The following BNC2 variants were observed in gnomAD, a reference collection of about 807,000 sequenced individuals.
BNC2 encodes the protein zinc finger protein basonuclin-2.
A neutral mutation model predicts 76.3 loss-of-function variants in BNC2; 20 were observed. That is an observed-to-expected ratio of 0.26 (90% CI 0.18 to 0.38). BNC2 has a LOEUF of 0.38. Among genes scored for constraint, BNC2 ranks in the 10% least tolerant of loss-of-function variants. The pLI, the probability that BNC2 is intolerant of heterozygous loss-of-function variation, is 1.00. For synonymous variants in BNC2, 582 were observed against 514.8 expected (o/e 1.13, Z -1.77); for missense variants, 1,382 against 1,399.8 (o/e 0.99, Z 0.20).
chr9:16,845,418 G>A (rs879455360), intron 1 of BNC2, among the ~76,000 whole-genome samples: 1 of 152,070 alleles, frequency 6.6e-6, no homozygotes, highest in Non-Finnish European at 1.5e-5. Flanking sequence ...CACGGTAGTT[G>A]GGTTTTCAAA....
At chr9:16,751,888 G>T (rs909836525) in intron 1 of BNC2, among the ~76,000 whole-genome samples, 3 of 151,788 alleles carry the variant, frequency 2.0e-5, no homozygotes, top group African/African-American at 7.3e-5. Context: ...AATTAGTTGG[G>T]CATGGTGGCG....
At position 16,436,423 on chromosome 9, in the gene BNC2, T is replaced by C; in HGVS notation, c.1771A>G (p.Thr591Ala). 3.1e-6 allele frequency: 5 copies of C among 1,613,852 alleles called. No individual in the cohort carries two copies. Among genetic ancestry groups the C allele is most frequent in the Non-Finnish European group, 4.2e-6 (5 of 1,179,970 alleles). Residue 591 changes from threonine (T) to alanine (A), a missense_variant, in exon 6 of 7, where the codon ACC becomes GCC. By Grantham distance (58) the Thr-to-Ala change is moderately conservative. Transcript: ENST00000380672. ...EMVSPPTSLP[T>A]SPIIPTSGTI... ...CCACTGGTTGGAATGATGGGACTGG[T>C]TGGGAGGGAGGTTGGAGGACTCACC...
chr9:16,539,672 GAGGGAGGA>G (rs1193067404), intron 5 of BNC2, among the ~76,000 whole-genome samples: 1 of 55,862 alleles, frequency 1.8e-5, no homozygotes, highest in Non-Finnish European at 3.9e-5. Context: ...GGGAGGGAGG[GAGGGAGGA>G]AGGAAGGAAG....
intron 1 of BNC2, among the ~76,000 whole-genome samples, chr9:16,794,729 G>C (rs1445434567): frequency 6.6e-6 from 1 of 152,118 alleles, no homozygotes; most frequent in Non-Finnish European, 1.5e-5. Context: ...ACACCATGAA[G>C]CAAAATTAAC....
intron 5 of BNC2, among the ~76,000 whole-genome samples, chr9:16,441,739 A>G (rs992573552): frequency 6.6e-6 from 1 of 152,242 alleles, no homozygotes; most frequent in East Asian, 1.9e-4. Flanking sequence ...TGCAACAACT[A>G]AAGGCATGAT....
At chr9:16,818,186 C>T (rs368753083) in intron 1 of BNC2, among the ~76,000 whole-genome samples, 2 of 152,140 alleles carry the variant, frequency 1.3e-5, no homozygotes, top group Admixed American at 6.5e-5. Context: ...GGGCAGATCA[C>T]GAGGTCAGGA....
intron 3 of BNC2, among the ~76,000 whole-genome samples, chr9:16,667,003 A>G (rs1439954763): frequency 6.6e-6 from 1 of 152,110 alleles, no homozygotes; most frequent in African/African-American, 2.4e-5. Context: ...AAACCAATAA[A>G]GAACACTGTA....
chr9:16,447,992 G>A (rs553526345), intron 5 of BNC2, among the ~76,000 whole-genome samples: 5 of 152,102 alleles, frequency 3.3e-5, no homozygotes, highest in Admixed American at 1.3e-4. Flanking sequence ...CAAAGGAACC[G>A]TTTATGATCC....
At chr9:16,576,463 G>A (rs1290498852) in intron 4 of BNC2, among the ~76,000 whole-genome samples, 1 of 152,170 alleles carries the variant, frequency 6.6e-6, no homozygotes, top group Non-Finnish European at 1.5e-5. Context: ...CTTTAGTTAT[G>A]CTAGGTTTTG....
chr9:16,692,936 C>T (rs774816791), intron 3 of BNC2, among the ~76,000 whole-genome samples: 2 of 151,950 alleles, frequency 1.3e-5, no homozygotes, highest in Non-Finnish European at 2.9e-5. Flanking sequence ...TCGACACTAG[C>T]CTGGCCGACA....
chr9:16,724,346 C>A (rs1824251395), intron 3 of BNC2, among the ~76,000 whole-genome samples: 1 of 151,600 alleles, frequency 6.6e-6, no homozygotes, highest in Non-Finnish European at 1.5e-5. Context: ...AAAAAAAAAA[C>A]TTTGAAAAGC....
At chr9:16,837,165 G>A (rs1321648251) in intron 1 of BNC2, among the ~76,000 whole-genome samples, 1 of 152,138 alleles carries the variant, frequency 6.6e-6, no homozygotes, top group Admixed American at 6.5e-5. Context: ...CCACAACAAA[G>A]ATCTCAGTAA....
intron 1 of BNC2, among the ~76,000 whole-genome samples, chr9:16,819,800 CTG>C (rs1818273838): frequency 2.0e-5 from 3 of 148,978 alleles, no homozygotes; most frequent in African/African-American, 7.4e-5. Flanking sequence ...TTCCACAACT[CTG>C]TGAGATATGT....
At chr9:16,482,880 C>T (rs895738856) in intron 5 of BNC2, among the ~76,000 whole-genome samples, 4 of 152,154 alleles carry the variant, frequency 2.6e-5, no homozygotes, top group African/African-American at 4.8e-5. Flanking sequence ...TGCAAAGGTC[C>T]GGGGCTTTCC....
intron 1 of BNC2, among the ~76,000 whole-genome samples, chr9:16,848,045 T>C (rs1586932818): frequency 1.3e-5 from 2 of 152,198 alleles, no homozygotes; most frequent in South Asian, 4.1e-4. Context: ...CAGTAGCTTA[T>C]GAAAACACAA....
chr9:16,852,536 G>A (rs1004461643), intron 1 of BNC2, among the ~76,000 whole-genome samples: 1 of 152,140 alleles, frequency 6.6e-6, no homozygotes, highest in Non-Finnish European at 1.5e-5. Context: ...GTTGCTACAG[G>A]TAATGGAAAT....
At chr9:16,823,817 A>G (rs1818393113) in intron 1 of BNC2, among the ~76,000 whole-genome samples, 2 of 152,182 alleles carry the variant, frequency 1.3e-5, no homozygotes, top group South Asian at 4.1e-4. Context: ...GCTCTGCCCA[A>G]TAAAAACATT....
At chr9:16,849,194 T>C (rs185400796) in intron 1 of BNC2, among the ~76,000 whole-genome samples, 1 of 152,044 alleles carries the variant, frequency 6.6e-6, no homozygotes, top group Admixed American at 6.6e-5. Context: ...GTCAAATTTA[T>C]TTCATTTCTT....
At chr9:16,578,453 A>G (rs972873352) in intron 4 of BNC2, among the ~76,000 whole-genome samples, 17 of 152,044 alleles carry the variant, frequency 1.1e-4, no homozygotes, top group African/African-American at 4.1e-4. Context: ...GCAAACTCCT[A>G]TTGGTAATGC....
Sources: allele counts gnomAD v4.1 joint callset (sites outside exome capture counted in the v4.1 genomes callset), GRCh38; gene constraint gnomAD v4.1.1; transcripts MANE v1.5; gene names NCBI Gene and HGNC (gene_info 2026-07-23, HGNC 2026-07-21).